KIAA0825: variants seen among roughly 807,000 people sequenced by gnomAD.
KIAA0825 encodes the protein KIAA0825, also known as uncharacterized protein KIAA0825.
Under a neutral mutation model 147.6 loss-of-function variants are expected in KIAA0825, and 119 were observed. The observed-to-expected ratio is 0.81, with a 90% CI of 0.69 to 0.94. The LOEUF (loss-of-function observed/expected upper bound fraction) is 0.94. Ranked by LOEUF, KIAA0825 falls within the 40% of genes least tolerant of loss-of-function variation. The pLI, the probability that KIAA0825 is intolerant of heterozygous loss-of-function variation, is 0.00. For missense variants in KIAA0825, 1,381 were observed against 1,472.7 expected (o/e 0.94, Z 1.02); for synonymous variants, 470 against 518.1 (o/e 0.91, Z 1.26).
intron 16 of KIAA0825, among the ~76,000 whole-genome samples, chr5:94,397,941 C>T (rs967297115): frequency 1.3e-5 from 2 of 151,928 alleles, no homozygotes; most frequent in East Asian, 1.9e-4. Flanking sequence ...CTTGGCCCTT[C>T]TCTCTCCCTC....
chr5:94,490,167 C>T (rs1187123660), intron 5 of KIAA0825, among the ~76,000 whole-genome samples: 1 of 151,990 alleles, frequency 6.6e-6, no homozygotes, highest in Non-Finnish European at 1.5e-5. Context: ...TTCCATGAGG[C>T]CAAAGACTAT....
intron 2 of KIAA0825, among the ~76,000 whole-genome samples, chr5:94,562,315 A>C (rs1176795245): frequency 6.6e-6 from 1 of 152,216 alleles, no homozygotes; most frequent in Non-Finnish European, 1.5e-5. Context: ...CAATAAAAGT[A>C]AATTTTGGAT....
At chr5:94,579,059 C>T (rs1781583306) in intron 2 of KIAA0825, among the ~76,000 whole-genome samples, 1 of 152,136 alleles carries the variant, frequency 6.6e-6, no homozygotes, top group East Asian at 1.9e-4. Flanking sequence ...GTAGCTGGGA[C>T]TACAGGAGCG....
chr5:94,253,917 C>T (rs946508186), intron 20 of KIAA0825, among the ~76,000 whole-genome samples: 3 of 152,146 alleles, frequency 2.0e-5, no homozygotes, highest in Non-Finnish European at 4.4e-5. Flanking sequence ...TGCATCTTCA[C>T]TGTCACTTTA....
chr5:94,530,755 T>C (rs1434418778), intron 3 of KIAA0825, among the ~76,000 whole-genome samples: 1 of 152,106 alleles, frequency 6.6e-6, no homozygotes, highest in Non-Finnish European at 1.5e-5. Context: ...AGTCCTCTTA[T>C]AGTGTTCCCT....
At chr5:94,558,201 G>A (rs1035071904) in intron 2 of KIAA0825, among the ~76,000 whole-genome samples, 1 of 152,184 alleles carries the variant, frequency 6.6e-6, no homozygotes, top group Non-Finnish European at 1.5e-5. Context: ...CAGAGAACAT[G>A]AGGCTTGCCA....
chr5:94,380,011 G>A (rs370597773), intron 20 of KIAA0825, among the ~76,000 whole-genome samples: 9 of 151,612 alleles, frequency 5.9e-5, no homozygotes, highest in South Asian at 2.1e-4. Flanking sequence ...CTACCACCAC[G>A]CCCGGCTAAT....
chr5:94,610,377 C>A (rs1441996744), intron 1 of KIAA0825, among the ~76,000 whole-genome samples: 6 of 143,054 alleles, frequency 4.2e-5, no homozygotes, highest in Non-Finnish European at 7.6e-5. Flanking sequence ...GCTGAGATTG[C>A]GCCACTGGAT....
At chr5:94,454,181 C>T (rs1427987034) in intron 12 of KIAA0825, among the ~76,000 whole-genome samples, 2 of 152,080 alleles carry the variant, frequency 1.3e-5, no homozygotes, top group East Asian at 3.9e-4. Context: ...TGTATAACAA[C>T]AGGAGATTAT....
chr5:94,374,162 G>A (rs942866611), intron 20 of KIAA0825, among the ~76,000 whole-genome samples: 11 of 152,350 alleles, frequency 7.2e-5, no homozygotes, highest in African/African-American at 2.4e-4. Context: ...GAAAGTGCCA[G>A]TATGTGAATG....
At chr5:94,395,492 T>G (rs1232069610) in intron 17 of KIAA0825, among the ~76,000 whole-genome samples, 1 of 152,154 alleles carries the variant, frequency 6.6e-6, no homozygotes, top group Admixed American at 6.5e-5. Context: ...TTTCAACTCA[T>G]CAGGGACCCT....
At chr5:94,466,691 C>T (rs1391396089) in intron 10 of KIAA0825, among the ~76,000 whole-genome samples, 3 of 135,918 alleles carry the variant, frequency 2.2e-5, no homozygotes, top group Admixed American at 1.7e-4. Context: ...GAGCCGAGAT[C>T]GTGCCACTGC....
chr5:94,513,406 G>A (rs553844855), intron 5 of KIAA0825, among the ~76,000 whole-genome samples: 58 of 152,182 alleles, frequency 3.8e-4, no homozygotes, highest in African/African-American at 1.4e-3. Context: ...AGAATTAGAG[G>A]ATATAGCAAG....
At chr5:94,403,985 A>G (rs1751721427) in intron 15 of KIAA0825, among the ~76,000 whole-genome samples, 192 bp from the exon 16 acceptor site, 1 of 152,234 alleles carries the variant, frequency 6.6e-6, no homozygotes, top group African/African-American at 2.4e-5. Flanking sequence ...TCTTTGTAAT[A>G]AAATGAATGG....
chr5:94,606,342 A>T (rs1345099541), intron 1 of KIAA0825, among the ~76,000 whole-genome samples: 1 of 152,256 alleles, frequency 6.6e-6, no homozygotes, highest in East Asian at 1.9e-4. Flanking sequence ...AAAGTAATTT[A>T]TAGATTCAAT....
At chr5:94,427,067 T>G (rs1754985037) in intron 14 of KIAA0825, among the ~76,000 whole-genome samples, 1 of 152,306 alleles carries the variant, frequency 6.6e-6, no homozygotes. Context: ...TAAAAAAAAT[T>G]TGCCAGCCCC....
intron 20 of KIAA0825, among the ~76,000 whole-genome samples, chr5:94,168,449 T>C (rs543349533): frequency 1.0e-3 from 159 of 152,334 alleles, no homozygotes; most frequent in Non-Finnish European, 1.4e-3. Flanking sequence ...ATTTGTTCTA[T>C]ATATTTAAGT....
In KIAA0825 at chr5:94,466,379, G is replaced by A. The variant is rs767813723; in HGVS notation, c.1873-1320C>T. On this transcript the variant is annotated intron_variant, in intron 10 of 20. Coordinates refer to ENST00000682413, the MANE Select transcript of KIAA0825 (RefSeq NM_001145678.3). ...CAAAATGTCAGAGTCGAGTTCAAAT[G>A]GGAGGGGACTTTGGCCACTGACTTC... 4.3e-4 allele frequency among the ~76,000 whole-genome samples: 66 copies of A among 152,242 alleles called. 1 individual carries two copies. The highest frequency in any genetic ancestry group is 4.1e-4 in the South Asian group (2 of 4,826).
chr5:94,597,196 A>G (rs1362415487), intron 1 of KIAA0825, among the ~76,000 whole-genome samples: 2 of 152,200 alleles, frequency 1.3e-5, no homozygotes, highest in Non-Finnish European at 2.9e-5. Flanking sequence ...GCCATTCAGT[A>G]TGATGTTGGC....
Sources: gnomAD v4.1 joint callset for allele counts (sites outside exome capture counted in the v4.1 genomes callset) on GRCh38, gnomAD v4.1.1 for gene constraint, MANE v1.5 for transcripts, NCBI Gene and HGNC (gene_info 2026-07-23, HGNC 2026-07-21) for gene names.